The following RIMS1 variants were observed in gnomAD, a reference collection of about 807,000 sequenced individuals.
RIMS1 encodes regulating synaptic membrane exocytosis 1.
A neutral mutation model predicts 214.1 loss-of-function variants in RIMS1; 83 were observed. That is an observed-to-expected ratio of 0.39 (90% confidence interval 0.32 to 0.47). The LOEUF is 0.47. RIMS1 is among the 20% of genes least tolerant of loss of function. The pLI is 0.99. For synonymous variants in RIMS1, 793 were observed against 786.8 expected (o/e 1.01, Z -0.13); for missense variants, 2,050 against 2,161.8 (o/e 0.95, Z 1.03).
At chr6:72,233,598 G>A (rs187562907) in intron 6 of RIMS1, among the ~76,000 whole-genome samples, 175 bp from the exon 7 acceptor site, 141 of 151,606 alleles carry the variant, frequency 9.3e-4, no homozygotes, top group African/African-American at 3.2e-3. Flanking sequence ...TGTAGCATAC[G>A]TTCATTCCAG....
At chr6:72,114,422 G>A (rs751871634) in intron 4 of RIMS1, among the ~76,000 whole-genome samples, 2 of 151,862 alleles carry the variant, frequency 1.3e-5, no homozygotes, top group Non-Finnish European at 1.5e-5. Flanking sequence ...AAAATCCAGG[G>A]CACATACCTC....
At chr6:72,136,673 A>G (rs1377155332) in intron 4 of RIMS1, among the ~76,000 whole-genome samples, 1 of 152,144 alleles carries the variant, frequency 6.6e-6, no homozygotes, top group Non-Finnish European at 1.5e-5. Flanking sequence ...AAAAATGATC[A>G]AATAATATTT....
At chr6:72,196,774 G>A (rs2496517) in intron 6 of RIMS1, among the ~76,000 whole-genome samples, 11 of 151,116 alleles carry the variant, frequency 7.3e-5, no homozygotes, top group Admixed American at 5.3e-4. Flanking sequence ...CGAATATAGC[G>A]TGCTTTTCCA....
At position 72,183,129 on chromosome 6, in the gene RIMS1, G is replaced by C; in HGVS notation, c.1658G>C (p.Ser553Thr). Residue 553 changes from serine to threonine, a missense_variant, in exon 6 of 34, where the codon AGC becomes ACC. By Grantham distance (58) the Ser-to-Thr change is moderately conservative (BLOSUM62 1). This residue lies in a region of RIMS1 where 882 missense variants were observed against 828.9 expected (regional missense o/e 1.06). Coordinates refer to ENST00000521978, the MANE Select transcript of RIMS1 (RefSeq NM_014989.7). ...AGCTGCGAGGACGTGGAGCTGGAGA[G>C]CGAGAGCGTCAGCGAGAAAGGTAAG... ...YTSCEDVELE[S>T]ESVSEKGDLD... 1 of 1,592,080 alleles carries C rather than the reference G, an allele frequency of 6.3e-7. No homozygotes were observed. Among genetic ancestry groups the C allele is most frequent in the Non-Finnish European group, 8.5e-7 (1 of 1,170,510 alleles).
intron 1 of RIMS1, among the ~76,000 whole-genome samples, chr6:71,889,862 A>G (rs1162003461): frequency 2.0e-5 from 3 of 152,222 alleles, no homozygotes; most frequent in Non-Finnish European, 4.4e-5. Context: ...ATTATGGGTG[A>G]TCATAATCAC....
intron 4 of RIMS1, among the ~76,000 whole-genome samples, chr6:72,135,793 T>C (rs898419680): frequency 1.3e-5 from 2 of 152,166 alleles, no homozygotes; most frequent in Non-Finnish European, 2.9e-5. Context: ...ATTCTGCACA[T>C]GTGTAAGATG....
At chr6:71,899,489 CAA>C (rs1491168115) in intron 1 of RIMS1, among the ~76,000 whole-genome samples, 25 of 151,778 alleles carry the variant, frequency 1.6e-4, no homozygotes, top group African/African-American at 6.1e-4. Context: ...CACACACACA[CAA>C]ACACACACAC....
chr6:72,304,900 G>C (rs918462308), intron 26 of RIMS1, among the ~76,000 whole-genome samples: 16 of 151,894 alleles, frequency 1.1e-4, no homozygotes, highest in South Asian at 2.1e-4. Context: ...CTACATCTTT[G>C]ATTGAGAGTC....
At chr6:72,005,215 G>T (rs1484377005) in intron 2 of RIMS1, among the ~76,000 whole-genome samples, 1 of 152,144 alleles carries the variant, frequency 6.6e-6, no homozygotes, top group Non-Finnish European at 1.5e-5. Context: ...GCTCTGTTCT[G>T]TTCCATTGGT....
At chr6:72,280,433 A>G (rs2089512216) in intron 23 of RIMS1, among the ~76,000 whole-genome samples, 1 of 152,012 alleles carries the variant, frequency 6.6e-6, no homozygotes, top group South Asian at 2.1e-4. Context: ...AAAATATACA[A>G]TATTTTGGCT....
At chr6:71,968,947 T>A (rs752706688) in intron 1 of RIMS1, 36 bp from the exon 2 acceptor site, 2 of 1,570,258 alleles carry the variant, frequency 1.3e-6, no homozygotes, top group Admixed American at 1.7e-5. Context: ...CTTTTTATAA[T>A]TAATAGTGCG....
chr6:72,358,182 GCTGATAGATTAGAAGCATAGGTA>G lies in RIMS1; in HGVS notation c.4366+24351_4366+24373del, dbSNP rs1244249597. ...AAGAACAGAAAGAAAAAAAAAAGGT[GCTGATAGATTAGAAGCATAGGTA>G]CTGTAAAATATAATCCAACAAAATA... On this transcript the variant is annotated intron_variant, in intron 29 of 33. Coordinates refer to ENST00000521978, the MANE Select transcript of RIMS1 (RefSeq NM_014989.7). Among the ~76,000 whole-genome samples, 10 of 152,142 alleles carry G rather than the reference GCTGATAGATTAGAAGCATAGGTA, an allele frequency of 6.6e-5. No individual in the cohort carries two copies. In the East Asian group the frequency reaches 1.9e-3, roughly 29 times the overall value.
At chr6:72,056,986 T>C (rs1826369632) in intron 2 of RIMS1, among the ~76,000 whole-genome samples, 1 of 152,062 alleles carries the variant, frequency 6.6e-6, no homozygotes, top group African/African-American at 2.4e-5. Flanking sequence ...TGCAGATATT[T>C]TTCTGAAGCT....
intron 10 of RIMS1, among the ~76,000 whole-genome samples, chr6:72,244,703 A>G (rs2154119326): frequency 6.6e-6 from 1 of 151,994 alleles, no homozygotes; most frequent in South Asian, 2.1e-4. Context: ...TAAAATTTAT[A>G]AAATACACAG....
intron 32 of RIMS1, 26 bp downstream of exon 32, chr6:72,398,376 G>C (rs1220636550): frequency 7.2e-7 from 1 of 1,389,834 alleles, no homozygotes; most frequent in African/African-American, 1.4e-5. Flanking sequence ...CCTGAATTTG[G>C]TGAAGGGACT....
chr6:72,289,363 A>T (rs1452688736), intron 24 of RIMS1, among the ~76,000 whole-genome samples: 1 of 152,208 alleles, frequency 6.6e-6, no homozygotes, highest in Non-Finnish European at 1.5e-5. Flanking sequence ...AATTCATTCT[A>T]TGTAGTTGAG....
chr6:72,052,812 A>G (rs188284666), intron 2 of RIMS1, among the ~76,000 whole-genome samples: 23 of 152,310 alleles, frequency 1.5e-4, no homozygotes, highest in Admixed American at 1.2e-3. Context: ...AAACATAATT[A>G]TACCATATAA....
At chr6:72,296,483 T>C (rs557883487) in intron 26 of RIMS1, among the ~76,000 whole-genome samples, 1 of 151,970 alleles carries the variant, frequency 6.6e-6, no homozygotes, top group East Asian at 1.9e-4. Context: ...AAATACCCAT[T>C]AATTTTATCT....
At chr6:72,133,741 A>C (rs2040832805) in intron 4 of RIMS1, among the ~76,000 whole-genome samples, 2 of 152,192 alleles carry the variant, frequency 1.3e-5, no homozygotes, top group Non-Finnish European at 2.9e-5. Flanking sequence ...CAGTCATAGC[A>C]ACAACCTCCC....
Sources: gnomAD v4.1 joint callset for allele counts (sites outside exome capture counted in the v4.1 genomes callset) on GRCh38, gnomAD v4.1.1 for gene constraint, gnomAD v4.1.1 regional missense constraint, MANE v1.5 for transcripts, NCBI Gene and HGNC (gene_info 2026-07-23, HGNC 2026-07-21) for gene names.